RAP1GAP2: variants seen among roughly 807,000 people sequenced by gnomAD.
RAP1GAP2 encodes RAP1 GTPase activating protein 2, also known as rap1 GTPase-activating protein 2.
RAP1GAP2 carries 27 observed loss-of-function variants against 95.0 expected under a neutral mutation model. That is an observed-to-expected ratio of 0.28 (90% CI 0.21 to 0.39). RAP1GAP2 has a LOEUF of 0.39. RAP1GAP2 is among the 10% of genes least tolerant of loss of function. The pLI is 1.00. For missense variants in RAP1GAP2, 771 were observed against 970.0 expected, an observed-to-expected ratio of 0.79 and a Z score of 2.72; for synonymous variants, 373 against 380.9, an observed-to-expected ratio of 0.98 and a Z score of 0.24.
intron 3 of RAP1GAP2, among the ~76,000 whole-genome samples, chr17:2,939,429 G>T (rs1366253423): frequency 6.6e-6 from 1 of 152,234 alleles, no homozygotes; most frequent in Non-Finnish European, 1.5e-5. Context: ...CTCTTAGGTG[G>T]TGTGAGGTGC....
Position 2,963,239 on chromosome 17 carries a change from G to A in RAP1GAP2, c.247-191G>A. ...TCATCAGCTGGCAGGGTTTATGTTT[G>A]GGTTCTGTCAGTTTGGAGAAGAACA... On this transcript the variant is annotated intron_variant, in intron 5 of 24. Transcript: ENST00000254695. This position sits in a 1 kb window ranked among gnomAD's most constrained non-coding sequence, Gnocchi z 4.8. 7.4e-6 allele frequency: 5 copies of A among 678,990 alleles called. No homozygotes were observed. The highest frequency in any genetic ancestry group is 1.8e-5 in the African/African-American group (1 of 56,052). 42.1% of individuals were successfully genotyped at this position (678,990 alleles called of 1,614,324 possible).
At chr17:2,806,690 C>T (rs919762958) in intron 2 of RAP1GAP2, among the ~76,000 whole-genome samples, 2 of 150,554 alleles carry the variant, frequency 1.3e-5, no homozygotes, top group Non-Finnish European at 3.0e-5. Flanking sequence ...AGCCACTGGG[C>T]CTGGTCTATT....
intron 12 of RAP1GAP2, among the ~76,000 whole-genome samples, chr17:2,995,012 A>G (rs756463849): frequency 6.6e-5 from 10 of 152,130 alleles, no homozygotes; most frequent in Non-Finnish European, 7.4e-5. Context: ...CGGGGGTTTC[A>G]CCATGTTGGC....
chr17:2,957,706 G>C (rs368581626), intron 3 of RAP1GAP2, 53 bp from the exon 4 acceptor site: 1 of 1,572,254 alleles, frequency 6.4e-7, no homozygotes, highest in Non-Finnish European at 8.7e-7. Flanking sequence ...GGCTTTTGCT[G>C]TGGACCTCCC....
intron 3 of RAP1GAP2, among the ~76,000 whole-genome samples, chr17:2,927,254 G>T (rs112995607): frequency 4.0e-5 from 6 of 151,580 alleles, no homozygotes; most frequent in East Asian, 4.0e-4. Context: ...CCCGGGTTCA[G>T]GCCGTTCTCC....
chr17:2,938,766 C>G (rs1483946816), intron 3 of RAP1GAP2, among the ~76,000 whole-genome samples: 1 of 152,054 alleles, frequency 6.6e-6, no homozygotes, highest in Admixed American at 6.5e-5. Flanking sequence ...GCAGGTGGAT[C>G]ACCTGAGGTT....
chr17:2,840,508 A>T (rs1242718228), intron 2 of RAP1GAP2, among the ~76,000 whole-genome samples: 1 of 152,046 alleles, frequency 6.6e-6, no homozygotes, highest in Non-Finnish European at 1.5e-5. Context: ...TTCACATCTA[A>T]GGAGCAGGGC....
intron 8 of RAP1GAP2, among the ~76,000 whole-genome samples, chr17:2,966,876 AAG>A (rs755000730): frequency 1.3e-5 from 2 of 152,204 alleles, no homozygotes; most frequent in Admixed American, 1.3e-4. Flanking sequence ...ATGGAATACA[AAG>A]ATCTAACCCC....
chr17:2,936,813 A>G (rs950910416), intron 3 of RAP1GAP2, among the ~76,000 whole-genome samples: 11 of 151,310 alleles, frequency 7.3e-5, no homozygotes, highest in Non-Finnish European at 1.6e-4. Context: ...GCCATTGCCC[A>G]CTCCTCTGTG....
At chr17:2,908,678 C>A (rs1189538571) in intron 3 of RAP1GAP2, among the ~76,000 whole-genome samples, 1 of 151,858 alleles carries the variant, frequency 6.6e-6, no homozygotes, top group Non-Finnish European at 1.5e-5. Flanking sequence ...AAGGTTGGTG[C>A]AGGAGGGAGG....
intron 2 of RAP1GAP2, among the ~76,000 whole-genome samples, chr17:2,890,625 T>A (rs2073676663): frequency 6.6e-6 from 1 of 152,070 alleles, no homozygotes; most frequent in South Asian, 2.1e-4. Context: ...GGACCCCTTA[T>A]TACACAGTGT....
rs571068816 is a variant in RAP1GAP2, at chr17:2,899,161, A to G, written c.81-6123A>G. ...TCAGTTCTTCATTCCTTTTCTTTCT[A>G]TTGTCTTTATAGTCATAAGCTATCA... On this transcript the variant is annotated intron_variant, in intron 2 of 24. Coordinates refer to ENST00000254695, the MANE Select transcript of RAP1GAP2 (RefSeq NM_015085.5). Among the ~76,000 whole-genome samples, 18 of 151,632 alleles carry G rather than the reference A, an allele frequency of 1.2e-4. No homozygotes were observed. The South Asian group carries it at 2.5e-3, about 21-fold the overall frequency.
At chr17:3,014,165 T>G (rs7209609) in intron 17 of RAP1GAP2, among the ~76,000 whole-genome samples, 3,942 of 24,866 alleles carry the variant, frequency 0.16, 129 homozygotes, top group African/African-American at 0.28. Flanking sequence ...CTGGATGGTC[T>G]AGCCTAGGAC....
intron 2 of RAP1GAP2, among the ~76,000 whole-genome samples, chr17:2,848,455 G>A (rs984172859): frequency 1.3e-5 from 2 of 151,662 alleles, no homozygotes; most frequent in Non-Finnish European, 2.9e-5. Flanking sequence ...TGGGAGGAGA[G>A]TCAGTATGTT....
Position 2,956,895 on chromosome 17 carries a change from A to G in RAP1GAP2, c.166-864A>G, listed in dbSNP as rs540629602. Among the ~76,000 whole-genome samples, 596 of 152,252 alleles carry G rather than the reference A, an allele frequency of 3.9e-3. 1 individual carries two copies. The highest frequency in any genetic ancestry group is 0.019 in the South Asian group (93 of 4,828). On this transcript the variant is annotated intron_variant, in intron 3 of 24. Coordinates refer to ENST00000254695, the MANE Select transcript of RAP1GAP2 (RefSeq NM_015085.5). ...TGTAATCCCAGCACTTTGGGAGGCC[A>G]AGGCGGGAGGATCACAAGGTCAGGA...
At chr17:2,951,700 A>G (rs971024730) in intron 3 of RAP1GAP2, among the ~76,000 whole-genome samples, 1 of 151,996 alleles carries the variant, frequency 6.6e-6, no homozygotes, top group East Asian at 1.9e-4. Context: ...CCTGGGTGAC[A>G]GAATGAGACC....
intron 2 of RAP1GAP2, among the ~76,000 whole-genome samples, chr17:2,890,897 G>A (rs1347857056): frequency 6.6e-6 from 1 of 151,768 alleles, no homozygotes; most frequent in Non-Finnish European, 1.5e-5. Context: ...TGTTAGTCAG[G>A]ATGGTCTCGA....
intron 2 of RAP1GAP2, among the ~76,000 whole-genome samples, chr17:2,850,322 A>G (rs1039268869): frequency 1.3e-5 from 2 of 151,864 alleles, no homozygotes; most frequent in African/African-American, 4.8e-5. Context: ...TAAGGAAGGT[A>G]CTTCAAGCTT....
chr17:2,912,068 G>A (rs1053642409), intron 3 of RAP1GAP2, among the ~76,000 whole-genome samples: 5 of 152,210 alleles, frequency 3.3e-5, no homozygotes, highest in South Asian at 4.1e-4. Context: ...CCAGCAGAAC[G>A]TCTGGTTCCT....
Sources: allele counts gnomAD v4.1 joint callset (sites outside exome capture counted in the v4.1 genomes callset), GRCh38; gene constraint gnomAD v4.1.1; non-coding constraint Gnocchi (gnomAD v3.1); transcripts MANE v1.5; gene names NCBI Gene and HGNC (gene_info 2026-07-23, HGNC 2026-07-21).